GLRA3: variants seen among roughly 807,000 people sequenced by gnomAD.
GLRA3 encodes glycine receptor alpha 3.
In GLRA3, 44 loss-of-function variants were observed where a neutral mutation model predicts 60.4. The ratio of observed to expected loss-of-function variants is 0.73; its 90% CI spans 0.57 to 0.94. The LOEUF (loss-of-function observed/expected upper bound fraction) is 0.94. Ranked by LOEUF, GLRA3 falls within the 40% of genes least tolerant of loss-of-function variation. The pLI is 0.00. For missense variants in GLRA3, 508 were observed against 564.6 expected, an observed-to-expected ratio of 0.90 and a Z score of 1.02; for synonymous variants, 223 against 192.9, an observed-to-expected ratio of 1.16 and a Z score of -1.29.
chr4:174,794,233 C>T (rs982747996), intron 1 of GLRA3, among the ~76,000 whole-genome samples: 1 of 151,996 alleles, frequency 6.6e-6, no homozygotes, highest in Non-Finnish European at 1.5e-5. Context: ...GATATTTGAA[C>T]CAATATGAGA....
At chr4:174,700,961 T>C (rs557485501) in intron 5 of GLRA3, among the ~76,000 whole-genome samples, 11 of 152,272 alleles carry the variant, frequency 7.2e-5, no homozygotes, top group African/African-American at 2.2e-4. Flanking sequence ...AAGTGCAAGG[T>C]GAAGCAGAAA....
At chr4:174,735,767 C>T (rs572979308) in intron 3 of GLRA3, among the ~76,000 whole-genome samples, 6 of 152,064 alleles carry the variant, frequency 3.9e-5, no homozygotes, top group African/African-American at 1.4e-4. Context: ...CCGTCATGTT[C>T]GCCAGGCTGG....
chr4:174,719,385 T>A (rs1736056100), intron 4 of GLRA3, among the ~76,000 whole-genome samples: 2 of 152,222 alleles, frequency 1.3e-5, no homozygotes, highest in African/African-American at 4.8e-5. Flanking sequence ...AGAAATGATA[T>A]ATTGCATGCA....
intron 5 of GLRA3, chr4:174,712,849 A>G (rs569669417): frequency 2.1e-4 from 32 of 152,200 alleles, no homozygotes; most frequent in African/African-American, 7.7e-4. Context: ...AAACATGCAT[A>G]TATACACACA....
chr4:174,763,850 T>C (rs994227113), intron 3 of GLRA3, among the ~76,000 whole-genome samples: 19 of 152,322 alleles, frequency 1.2e-4, no homozygotes, highest in Admixed American at 9.8e-4. Flanking sequence ...TTTCCAGTAG[T>C]TGTTAAATCA....
At chr4:174,691,581 A>G (rs1172523580) in intron 5 of GLRA3, among the ~76,000 whole-genome samples, 1 of 151,970 alleles carries the variant, frequency 6.6e-6, no homozygotes, top group Non-Finnish European at 1.5e-5. Flanking sequence ...TTTGGTGGAG[A>G]CGGGGTTTCG....
chr4:174,788,853 T>C lies in GLRA3; in HGVS notation c.162A>G (p.Thr54=). Reference sequence around the variant, plus strand: ...GTCTGATTCTTGCATCATATCCTGATGTCCTGCCCATTAATTTATCCAGAA... The same window carrying C: ...GTCTGATTCTTGCATCATATCCTGACGTCCTGCCCATTAATTTATCCAGAA... The part of the protein sequence containing the change: ...SDFLDKLMGR[T]SGYDARIRPN... The change falls in exon 2 of 10, where the codon ACA becomes ACG. Residue 54 remains threonine (T), a synonymous_variant. Transcript: ENST00000274093. 1 of 1,608,944 alleles carries C rather than the reference T, an allele frequency of 6.2e-7. No homozygotes were observed.
intron 1 of GLRA3, among the ~76,000 whole-genome samples, chr4:174,796,569 G>C (rs1458580136): frequency 6.7e-6 from 1 of 150,196 alleles, no homozygotes; most frequent in African/African-American, 2.5e-5. Context: ...ACGGAGTCTC[G>C]CTCTGTCACC....
At chr4:174,805,730 G>C (rs1184979517) in intron 1 of GLRA3, among the ~76,000 whole-genome samples, 1 of 152,100 alleles carries the variant, frequency 6.6e-6, no homozygotes, top group Non-Finnish European at 1.5e-5. Flanking sequence ...AGAAGTTTCT[G>C]CATAATAATA....
chr4:174,651,277 C>A (rs1037708888), intron 9 of GLRA3, among the ~76,000 whole-genome samples: 2 of 152,120 alleles, frequency 1.3e-5, no homozygotes, highest in Non-Finnish European at 2.9e-5. Context: ...CCAATTAAAA[C>A]ATTTAATTAT....
At chr4:174,744,838 T>C (rs571885553) in intron 3 of GLRA3, among the ~76,000 whole-genome samples, 1 of 151,980 alleles carries the variant, frequency 6.6e-6, no homozygotes, top group East Asian at 1.9e-4. Flanking sequence ...AAAAAGGAAT[T>C]CAAAATTATG....
In GLRA3 at chr4:174,677,187, A is replaced by C; in HGVS notation, c.818T>G (p.Val273Gly). 6.2e-7 allele frequency: 1 copy of C among 1,611,858 alleles called. No homozygotes were observed. Among genetic ancestry groups the C allele is most frequent in the Non-Finnish European group, 8.5e-7 (1 of 1,177,996 alleles). The change falls in exon 7 of 10, where the codon GTT becomes GGT. Residue 273 changes from valine (V) to glycine (G), a missense_variant. Physicochemically the swap from Val to Gly is moderately radical, Grantham distance 109. This residue lies in a region of GLRA3 where 329 missense variants were observed against 349.3 expected (regional missense o/e 0.94). Coordinates refer to ENST00000274093, the MANE Select transcript of GLRA3 (RefSeq NM_006529.4). The stretch of plus-strand genomic sequence containing the variant: ...TGCATCCATGTTGATCCAGAATGAA[A>C]CCCAGGATAGAATAACAATCAGGAG... ...PSLLIVILSW[V>G]SFWINMDAAP... is the part of the protein sequence containing the mutation.
chr4:174,691,902 G>C (rs1175418812), intron 5 of GLRA3, among the ~76,000 whole-genome samples: 2 of 151,526 alleles, frequency 1.3e-5, no homozygotes, highest in Non-Finnish European at 2.9e-5. Context: ...AGTCTGGAAA[G>C]TGAGGAGCTT....
At chr4:174,708,388 T>A (rs1022488236) in intron 5 of GLRA3, among the ~76,000 whole-genome samples, 1 of 151,946 alleles carries the variant, frequency 6.6e-6, no homozygotes, top group African/African-American at 2.4e-5. Context: ...CATTAAAGTG[T>A]ATTCTATCTT....
chr4:174,787,525 C>T (rs1401948830), intron 2 of GLRA3, among the ~76,000 whole-genome samples: 1 of 147,332 alleles, frequency 6.8e-6, no homozygotes, highest in Non-Finnish European at 1.5e-5. Context: ...ATTTTTGTTT[C>T]TCATTTTCAT....
intron 1 of GLRA3, among the ~76,000 whole-genome samples, chr4:174,819,892 C>T (rs1740669604): frequency 6.6e-6 from 1 of 152,088 alleles, no homozygotes; most frequent in Non-Finnish European, 1.5e-5. Flanking sequence ...TTAGCATTGT[C>T]ATTTAGTTAT....
intron 3 of GLRA3, among the ~76,000 whole-genome samples, chr4:174,736,317 C>T (rs7666760): frequency 1.3e-5 from 2 of 151,908 alleles, no homozygotes; most frequent in African/African-American, 2.4e-5. Context: ...TTTAAAAAAT[C>T]GTGATCAAAT....
chr4:174,652,590 A>AT (rs397819329), intron 9 of GLRA3, among the ~76,000 whole-genome samples: 121 of 151,860 alleles, frequency 8.0e-4, no homozygotes, highest in African/African-American at 2.9e-3. Flanking sequence ...ACAAAAAAAA[A>AT]TTTCAGTCAT....
intron 3 of GLRA3, among the ~76,000 whole-genome samples, chr4:174,755,581 T>G (rs1464093191): frequency 7.9e-5 from 12 of 152,092 alleles, no homozygotes; most frequent in Non-Finnish European, 1.8e-4. Flanking sequence ...GAATCTAAAA[T>G]GGATTGATAT....
Sources: allele counts gnomAD v4.1 joint callset (sites outside exome capture counted in the v4.1 genomes callset), GRCh38; gene constraint gnomAD v4.1.1; regional missense constraint gnomAD v4.1.1; transcripts MANE v1.5; gene names NCBI Gene and HGNC (gene_info 2026-07-23, HGNC 2026-07-21).